GALNT13: variants seen among roughly 807,000 people sequenced by gnomAD.
The protein encoded by GALNT13 is polypeptide N-acetylgalactosaminyltransferase 13.
In GALNT13, 28 loss-of-function variants were observed where a neutral mutation model predicts 64.2. The ratio of observed to expected loss-of-function variants is 0.44; its 90% CI spans 0.32 to 0.60. The LOEUF (loss-of-function observed/expected upper bound fraction) is 0.60. GALNT13 is among the 20% of genes least tolerant of loss of function. The probability of loss-of-function intolerance (pLI) is 0.05; values close to 1 mark genes in which losing one functional copy is unlikely to be tolerated. For synonymous variants in GALNT13, 214 were observed against 224.6 expected, an observed-to-expected ratio of 0.95 and a Z score of 0.42; for missense variants, 577 against 669.8, an observed-to-expected ratio of 0.86 and a Z score of 1.53.
intron 3 of GALNT13, 68 bp downstream of exon 3, chr2:153,944,707 A>T: frequency 7.4e-7 from 1 of 1,349,030 alleles, no homozygotes; most frequent in Admixed American, 2.1e-5. Flanking sequence ...CAAAATGAGA[A>T]ACTTCAGAAT....
intron 9 of GALNT13, among the ~76,000 whole-genome samples, chr2:154,359,451 G>T (rs956478204): frequency 6.6e-6 from 1 of 152,086 alleles, no homozygotes; most frequent in African/African-American, 2.4e-5. Flanking sequence ...TGTAGCGATG[G>T]TTCCTGGAAC....
chr2:153,343,522 G>A, the GALNT13 span, among the ~76,000 whole-genome samples: 9,237 of 151,782 alleles, frequency 0.061, 938 homozygotes, highest in African/African-American at 0.21. Context: ...TAAAAAATAT[G>A]TTTATTGTTA....
the GALNT13 span, among the ~76,000 whole-genome samples, chr2:153,382,169 T>G: frequency 6.6e-6 from 1 of 152,086 alleles, no homozygotes; most frequent in Non-Finnish European, 1.5e-5. Flanking sequence ...ATCCAGAGCT[T>G]CTTTATGTTA....
intron 4 of GALNT13, among the ~76,000 whole-genome samples, chr2:154,210,126 T>TA (rs1345582965): frequency 6.6e-6 from 1 of 152,238 alleles, no homozygotes; most frequent in African/African-American, 2.4e-5. Flanking sequence ...TTCACTAGCA[T>TA]AATGTCCTCC....
chr2:153,730,598 C>A, the GALNT13 span, among the ~76,000 whole-genome samples: 14 of 151,508 alleles, frequency 9.2e-5, no homozygotes, highest in Admixed American at 3.9e-4. Context: ...AAATTATCAA[C>A]AAATAAACAT....
At chr2:153,160,752 A>C in the GALNT13 span, among the ~76,000 whole-genome samples, 3 of 152,206 alleles carry the variant, frequency 2.0e-5, no homozygotes, top group Admixed American at 6.5e-5. Flanking sequence ...CAATCAATTG[A>C]TTATAAGTAA....
intron 3 of GALNT13, among the ~76,000 whole-genome samples, chr2:153,974,393 G>A (rs578249004): frequency 6.6e-6 from 1 of 152,114 alleles, no homozygotes; most frequent in South Asian, 2.1e-4. Context: ...ATTTGCTATT[G>A]TGAGCCTCAG....
chr2:153,539,696 T>G, the GALNT13 span, among the ~76,000 whole-genome samples: 1 of 151,294 alleles, frequency 6.6e-6, no homozygotes, highest in African/African-American at 2.5e-5. Context: ...AAAGATCAGA[T>G]AGTTGTAGAT....
At position 154,259,074 on chromosome 2, in the gene GALNT13, A is replaced by C; in HGVS notation, c.911A>C (p.Glu304Ala). The change falls in exon 8 of 13, where the codon GAG (glutamate) becomes GCG (alanine). Residue 304 changes from glutamate to alanine, a missense_variant. Glu to Ala is a moderately radical substitution (Grantham distance 107). This residue lies in a region of GALNT13 where 341 missense variants were observed against 379.3 expected (regional missense o/e 0.90). Transcript: ENST00000392825. Reference protein sequence around the residue: ...LFSIDRNYFEEIGTYDAGMDI... With the variant: ...LFSIDRNYFEAIGTYDAGMDI... ...TCTATTGACAGAAACTACTTTGAAG[A>C]GATAGGAACTTACGATGCAGGAATG... is the stretch of plus-strand genomic sequence containing the variant. The C allele has an allele frequency of 6.2e-7, 1 of 1,610,148 alleles. No individual in the cohort carries two copies. Among genetic ancestry groups the C allele is most frequent in the Non-Finnish European group, 8.5e-7 (1 of 1,177,842 alleles).
At chr2:154,245,310 T>C (rs1689723149) in intron 6 of GALNT13, among the ~76,000 whole-genome samples, 1 of 152,156 alleles carries the variant, frequency 6.6e-6, no homozygotes, top group Non-Finnish European at 1.5e-5. Flanking sequence ...TTTTTGTTGT[T>C]GCTGTTTGTT....
chr2:153,825,682 T>C, the GALNT13 span, among the ~76,000 whole-genome samples: 4 of 150,648 alleles, frequency 2.7e-5, no homozygotes, highest in African/African-American at 9.8e-5. Flanking sequence ...CACCTGAGTT[T>C]TGGGCAGGCC....
At chr2:153,767,462 A>C in the GALNT13 span, among the ~76,000 whole-genome samples, 2 of 152,222 alleles carry the variant, frequency 1.3e-5, no homozygotes, top group East Asian at 3.9e-4. Flanking sequence ...TTAGGTGCAT[A>C]CACACTCATA....
At chr2:153,676,726 T>C in the GALNT13 span, among the ~76,000 whole-genome samples, 1 of 152,042 alleles carries the variant, frequency 6.6e-6, no homozygotes, top group South Asian at 2.1e-4. Flanking sequence ...GTTCAACATA[T>C]GCAAATGAAC....
At chr2:154,005,055 G>A (rs1318844398) in intron 3 of GALNT13, among the ~76,000 whole-genome samples, 3 of 151,982 alleles carry the variant, frequency 2.0e-5, no homozygotes, top group Non-Finnish European at 4.4e-5. Flanking sequence ...CTTATTTTGT[G>A]CATGTTTCAT....
At chr2:153,437,655 T>C in the GALNT13 span, among the ~76,000 whole-genome samples, 4 of 150,420 alleles carry the variant, frequency 2.7e-5, no homozygotes, top group Admixed American at 1.3e-4. Flanking sequence ...CAACCCCTGC[T>C]TTTTTTTGTT....
intron 2 of GALNT13, among the ~76,000 whole-genome samples, chr2:153,937,012 T>C (rs1690983717): frequency 6.6e-6 from 1 of 152,034 alleles, no homozygotes; most frequent in Admixed American, 6.6e-5. Context: ...CAACCGTGCC[T>C]GGCCATTAAA....
chr2:153,752,839 TG>T, the GALNT13 span, among the ~76,000 whole-genome samples: 3 of 152,150 alleles, frequency 2.0e-5, no homozygotes, highest in Admixed American at 2.0e-4. Flanking sequence ...ACTTTGTACC[TG>T]TATCTCTTTC....
At chr2:153,477,350 G>T in the GALNT13 span, 2 of 152,620 alleles carry the variant, frequency 1.3e-5, no homozygotes, top group African/African-American at 4.8e-5. Context: ...ACGCTTAAAT[G>T]TTGCATTTAT....
chr2:154,026,499 A>G (rs1017578044), intron 3 of GALNT13, among the ~76,000 whole-genome samples: 44 of 152,166 alleles, frequency 2.9e-4, no homozygotes, highest in African/African-American at 1.0e-3. Flanking sequence ...AACAACAGAA[A>G]TTTATTTTCT....
Sources: gnomAD v4.1 joint callset for allele counts (sites outside exome capture counted in the v4.1 genomes callset) on GRCh38, gnomAD v4.1.1 for gene constraint, gnomAD v4.1.1 regional missense constraint, MANE v1.5 for transcripts, NCBI Gene and HGNC (gene_info 2026-07-23, HGNC 2026-07-21) for gene names.